The following NUDC variants were observed in gnomAD, a reference collection of about 807,000 sequenced individuals.
NUDC encodes nuclear migration protein nudC.
Under a neutral mutation model 45.0 loss-of-function variants are expected in NUDC, and 14 were observed. The ratio of observed to expected loss-of-function variants is 0.31; its 90% confidence interval spans 0.21 to 0.49. NUDC has a LOEUF of 0.49. NUDC is among the 20% of genes least tolerant of loss of function. The pLI is 0.99. For missense variants in NUDC, 323 were observed against 426.2 expected, an observed-to-expected ratio of 0.76 and a Z score of 2.13; for synonymous variants, 153 against 156.7, an observed-to-expected ratio of 0.98 and a Z score of 0.17.
intron 3 of NUDC, chr1:26,913,429 C>A (rs6659176): frequency 6.2e-7 from 1 of 1,614,006 alleles, no homozygotes; most frequent in Non-Finnish European, 8.5e-7. Flanking sequence ...GAGGATGGTC[C>A]CTTTCAGGCA....
intron 2 of NUDC, among the ~76,000 whole-genome samples, chr1:26,908,485 A>T (rs1014057408): frequency 1.3e-5 from 2 of 152,248 alleles, no homozygotes; most frequent in East Asian, 3.8e-4. Flanking sequence ...GACAAGAAAC[A>T]GAAGTGTAGC....
chr1:26,942,493 C>T (rs2082285533), intron 4 of NUDC, among the ~76,000 whole-genome samples, 167 bp from the exon 5 acceptor site: 1 of 152,196 alleles, frequency 6.6e-6, no homozygotes, highest in Non-Finnish European at 1.5e-5. Flanking sequence ...ACCTGGTTCC[C>T]AGTGGACCAA....
chr1:26,902,455 T>A (rs1212987725), intron 2 of NUDC: 1 of 152,270 alleles, frequency 6.6e-6, no homozygotes, highest in Non-Finnish European at 1.5e-5. Context: ...TACTCCTCTG[T>A]ATGAGAGAAG....
chr1:26,914,050 T>C, intron 3 of NUDC: 1 of 882,214 alleles, frequency 1.1e-6, no homozygotes, highest in Non-Finnish European at 1.5e-6. Context: ...CAACCTTGAC[T>C]CCAGAAGTCA....
chr1:26,921,951 G>T (rs1395019584), intron 1 of NUDC, 22 bp downstream of exon 1: 1 of 1,547,844 alleles, frequency 6.5e-7, no homozygotes, highest in African/African-American at 1.4e-5. Flanking sequence ...CGCGGCGTCG[G>T]CCCACCCGGC....
In NUDC at chr1:26,941,566, G is replaced by C. The variant is rs2082276985; in HGVS notation, c.269G>C (p.Arg90Thr). The C allele has an allele frequency of 6.2e-7, 1 of 1,611,494 alleles. No individual in the cohort carries two copies. The highest frequency in any genetic ancestry group is 1.1e-5 in the South Asian group (1 of 90,684). Residue 90 changes from arginine to threonine, a missense_variant, in exon 3 of 9, where the codon AGA becomes ACA. By Grantham distance (71) the Arg-to-Thr change is moderately conservative. Transcript: ENST00000321265. ...CGGGAGAAGGCGGAGCGGGCGGCCA[G>C]ACTGGCCAAGGAAGCCAAGTCAGAG... ...ERREKAERAA[R>T]LAKEAKSETS... is the part of the protein sequence containing the mutation.
intron 2 of NUDC, among the ~76,000 whole-genome samples, chr1:26,940,369 G>A (rs1327235121): frequency 3.3e-5 from 5 of 151,958 alleles, no homozygotes; most frequent in African/African-American, 4.8e-5. Context: ...CCAGCTACTC[G>A]GGAGGCTAAG....
At chr1:26,900,292 GC>G in exon 1 of NUDC, 1 of 1,613,988 alleles carries the variant, frequency 6.2e-7, no homozygotes. Flanking sequence ...TCAGGCCGAT[GC>G]CGGTAGTGGA....
chr1:26,908,016 T>A (rs1159483597), intron 2 of NUDC, among the ~76,000 whole-genome samples: 1 of 152,076 alleles, frequency 6.6e-6, no homozygotes, highest in African/African-American at 2.4e-5. Flanking sequence ...CTGTCTCTAC[T>A]AAAAATACAA....
At chr1:26,909,632 G>T (rs1448729299) in intron 2 of NUDC, among the ~76,000 whole-genome samples, 5 of 152,184 alleles carry the variant, frequency 3.3e-5, no homozygotes, top group African/African-American at 1.2e-4. Flanking sequence ...GGGCATAAAA[G>T]ATATAGAATG....
chr1:26,940,633 A>T (rs1240406876), intron 2 of NUDC, among the ~76,000 whole-genome samples: 1 of 152,190 alleles, frequency 6.6e-6, no homozygotes, highest in Non-Finnish European at 1.5e-5. Flanking sequence ...AGAACTCAGG[A>T]AAGGCTTGTG....
chr1:26,929,388 C>T (rs1377067737), intron 2 of NUDC, among the ~76,000 whole-genome samples: 3 of 146,960 alleles, frequency 2.0e-5, no homozygotes, highest in African/African-American at 7.6e-5. Flanking sequence ...GCCTGGGCAA[C>T]ATAGCAAGAC....
rs776832015 is a variant in NUDC, at chr1:26,921,891, C to T, written c.43C>T (p.Leu15=). The stretch of plus-strand genomic sequence containing the variant: ...GGAGGAGCGGTTCGACGGCATGTTG[C>T]TGGCCATGGCTCAGCAGCACGAGGG... ...QEEERFDGML[L]AMAQQHEGGV... The change falls in exon 1 of 9, where the codon CTG becomes TTG. Residue 15 remains leucine (L), a synonymous_variant. Transcript: ENST00000321265. The T allele has an allele frequency of 6.4e-6, 10 of 1,554,706 alleles. No homozygotes were observed. In the South Asian group the frequency reaches 1.2e-4, roughly 18 times the overall value.
intron 6 of NUDC, among the ~76,000 whole-genome samples, chr1:26,944,832 G>A (rs892730083): frequency 2.6e-5 from 4 of 152,046 alleles, no homozygotes; most frequent in African/African-American, 9.7e-5. Flanking sequence ...TCTGAGGTCA[G>A]GAGTTTGAGA....
intron 3 of NUDC, among the ~76,000 whole-genome samples, chr1:26,912,567 G>A (rs760849547): frequency 1.3e-5 from 2 of 152,062 alleles, no homozygotes; most frequent in Admixed American, 6.6e-5. Flanking sequence ...CGATTTATGC[G>A]TGCCACAAGG....
At chr1:26,913,806 C>T (rs1194113603) in intron 3 of NUDC, 2 of 1,526,738 alleles carry the variant, frequency 1.3e-6, no homozygotes, top group Non-Finnish European at 1.8e-6. Flanking sequence ...GCTGGACGGG[C>T]CGGTGCTGCC....
intron 2 of NUDC, among the ~76,000 whole-genome samples, chr1:26,926,038 C>T (rs1345251680): frequency 1.3e-5 from 2 of 149,330 alleles, no homozygotes; most frequent in Non-Finnish European, 3.0e-5. Context: ...TTTTTTGAGA[C>T]GGAGTCCCGC....
At chr1:26,941,024 C>T (rs375302652) in intron 2 of NUDC, among the ~76,000 whole-genome samples, 13 of 151,188 alleles carry the variant, frequency 8.6e-5, no homozygotes, top group African/African-American at 2.7e-4. Flanking sequence ...CAGGTTCAAG[C>T]GATTCTCCCA....
chr1:26,923,843 C>T (rs2082110146), intron 1 of NUDC, among the ~76,000 whole-genome samples: 1 of 152,100 alleles, frequency 6.6e-6, no homozygotes, highest in African/African-American at 2.4e-5. Context: ...GTGTTCCATA[C>T]GCTTAGGCTG....
Sources: gnomAD v4.1 joint callset for allele counts (sites outside exome capture counted in the v4.1 genomes callset) on GRCh38, gnomAD v4.1.1 for gene constraint, MANE v1.5 for transcripts, NCBI Gene and HGNC (gene_info 2026-07-23, HGNC 2026-07-21) for gene names.